Variants in SCFD2 observed in about 807,000 individuals in gnomAD.
The protein encoded by SCFD2 is sec1 family domain-containing protein 2.
Under a neutral mutation model 58.9 loss-of-function variants are expected in SCFD2, and 54 were observed. The ratio of observed to expected loss-of-function variants is 0.92; its 90% CI spans 0.74 to 1.15. The LOEUF is 1.15. SCFD2 is among the 50% of genes most tolerant of loss of function. SCFD2 has a pLI of 0.00. For synonymous variants in SCFD2, 321 were observed against 335.9 expected (o/e 0.96, Z 0.49); for missense variants, 805 against 836.6 (o/e 0.96, Z 0.47).
intron 2 of SCFD2, among the ~76,000 whole-genome samples, chr4:53,340,795 C>G (rs1053154496): frequency 1.8e-4 from 27 of 152,288 alleles, no homozygotes; most frequent in African/African-American, 6.5e-4. Context: ...CAACATTTGC[C>G]GATCTGCAAT....
At chr4:53,203,448 A>T (rs564175516) in intron 4 of SCFD2, among the ~76,000 whole-genome samples, 1 of 152,216 alleles carries the variant, frequency 6.6e-6, no homozygotes, top group South Asian at 2.1e-4. Context: ...CAAAGAAAGA[A>T]AGATCAAATG....
At chr4:52,981,173 G>T (rs1481134346) in intron 5 of SCFD2, among the ~76,000 whole-genome samples, 1 of 152,170 alleles carries the variant, frequency 6.6e-6, no homozygotes, top group Non-Finnish European at 1.5e-5. Context: ...AGAGTGTGCT[G>T]CTGATGAGAA....
intron 4 of SCFD2, among the ~76,000 whole-genome samples, chr4:53,236,503 C>G (rs1254467144): frequency 2.0e-5 from 3 of 148,738 alleles, no homozygotes; most frequent in Non-Finnish European, 4.4e-5. Context: ...AGAACCTTGA[C>G]TAATACATAT....
At chr4:53,318,749 G>A (rs1449087528) in intron 2 of SCFD2, among the ~76,000 whole-genome samples, 1 of 151,400 alleles carries the variant, frequency 6.6e-6, no homozygotes, top group Admixed American at 6.6e-5. Flanking sequence ...TCCCCTGATG[G>A]CCAAATTAAG....
At chr4:53,283,470 T>C (rs554918831) in intron 3 of SCFD2, among the ~76,000 whole-genome samples, 4 of 152,350 alleles carry the variant, frequency 2.6e-5, no homozygotes, top group South Asian at 4.1e-4. Context: ...ATTGGATATA[T>C]ACACAGGTTT....
chr4:53,311,435 T>C (rs571836317), intron 3 of SCFD2, among the ~76,000 whole-genome samples: 1 of 152,186 alleles, frequency 6.6e-6, no homozygotes, highest in African/African-American at 2.4e-5. Flanking sequence ...GGATTACCTG[T>C]CCTTTTTAAA....
intron 5 of SCFD2, among the ~76,000 whole-genome samples, chr4:53,105,157 G>C (rs779100658): frequency 6.6e-6 from 1 of 152,112 alleles, no homozygotes; most frequent in Non-Finnish European, 1.5e-5. Context: ...CTCCGGCCCA[G>C]ATACTATGCT....
chr4:53,139,611 C>T (rs867107519), intron 5 of SCFD2, among the ~76,000 whole-genome samples: 42 of 151,102 alleles, frequency 2.8e-4, no homozygotes, highest in African/African-American at 1.0e-3. Context: ...CGCCCGGCTG[C>T]TGCCCCGTCT....
At chr4:53,364,860 A>G (rs1186230405) in intron 1 of SCFD2, among the ~76,000 whole-genome samples, 4 of 152,206 alleles carry the variant, frequency 2.6e-5, no homozygotes, top group Non-Finnish European at 5.9e-5. Context: ...TAACAAGGCA[A>G]TGGGCATTTA....
chr4:53,203,798 G>A (rs1728324518), intron 4 of SCFD2, among the ~76,000 whole-genome samples: 4 of 152,162 alleles, frequency 2.6e-5, no homozygotes, highest in Non-Finnish European at 4.4e-5. Context: ...AATAACACAT[G>A]GGATAAAATT....
intron 6 of SCFD2, among the ~76,000 whole-genome samples, chr4:52,911,930 TCTC>T (rs542971524): frequency 6.9e-4 from 105 of 152,244 alleles, no homozygotes; most frequent in African/African-American, 2.4e-3. Flanking sequence ...GGAACTTGCT[TCTC>T]CTGTTTATTT....
intron 2 of SCFD2, among the ~76,000 whole-genome samples, chr4:53,330,688 T>C (rs1733421060): frequency 6.6e-6 from 1 of 151,508 alleles, no homozygotes; most frequent in Non-Finnish European, 1.5e-5. Context: ...CTGCATCAAC[T>C]AACGAGCAAA....
intron 4 of SCFD2, among the ~76,000 whole-genome samples, chr4:53,257,470 A>T (rs1486591888): frequency 6.6e-6 from 1 of 152,200 alleles, no homozygotes; most frequent in Admixed American, 6.5e-5. Context: ...TTATTCCATC[A>T]TTCCAAATTT....
At chr4:53,080,254 T>C (rs1317095394) in intron 5 of SCFD2, among the ~76,000 whole-genome samples, 1 of 152,176 alleles carries the variant, frequency 6.6e-6, no homozygotes, top group Non-Finnish European at 1.5e-5. Flanking sequence ...AGGGGTAAAA[T>C]GAACATTTTG....
At chr4:53,217,018 T>C (rs1033291633) in intron 4 of SCFD2, among the ~76,000 whole-genome samples, 1 of 152,220 alleles carries the variant, frequency 6.6e-6, no homozygotes, top group African/African-American at 2.4e-5. Flanking sequence ...AGACAGTTTG[T>C]TATAATTTCT....
intron 4 of SCFD2, among the ~76,000 whole-genome samples, chr4:53,200,702 C>T (rs1393412273): frequency 6.6e-6 from 1 of 152,066 alleles, no homozygotes; most frequent in African/African-American, 2.4e-5. Flanking sequence ...AAATTAAATC[C>T]TGACTATTTA....
chr4:52,890,792 G>A (rs1404707429), intron 7 of SCFD2, among the ~76,000 whole-genome samples: 1 of 152,108 alleles, frequency 6.6e-6, no homozygotes, highest in East Asian at 1.9e-4. Context: ...CCCCTTTTGA[G>A]GTGTGCGCCC....
At chr4:53,075,621 T>C (rs953922401) in intron 5 of SCFD2, among the ~76,000 whole-genome samples, 1 of 152,192 alleles carries the variant, frequency 6.6e-6, no homozygotes, top group African/African-American at 2.4e-5. Flanking sequence ...TAGGTTAGTT[T>C]CAATATTACT....
chr4:53,240,166 C>T (rs1322709986), intron 4 of SCFD2, among the ~76,000 whole-genome samples: 3 of 152,182 alleles, frequency 2.0e-5, no homozygotes, highest in Non-Finnish European at 4.4e-5. Context: ...CACAGCAGAA[C>T]CAGAAAGATA....
Sources: gnomAD v4.1 joint callset for allele counts (sites outside exome capture counted in the v4.1 genomes callset) on GRCh38, gnomAD v4.1.1 for gene constraint, MANE v1.5 for transcripts, NCBI Gene and HGNC (gene_info 2026-07-23, HGNC 2026-07-21) for gene names.